The following KCNH4 variants were observed in gnomAD, a reference collection of about 807,000 sequenced individuals.
The protein encoded by KCNH4 is voltage-gated delayed rectifier potassium channel KCNH4.
KCNH4 carries 33 observed loss-of-function variants against 90.7 expected under a neutral mutation model. That is an observed-to-expected ratio of 0.36 (90% CI 0.28 to 0.49). The LOEUF is 0.49. KCNH4 is among the 20% of genes least tolerant of loss of function. The pLI, the probability that KCNH4 is intolerant of heterozygous loss-of-function variation, is 0.98. For synonymous variants in KCNH4, 551 were observed against 581.7 expected (o/e 0.95, Z 0.76); for missense variants, 1,044 against 1,387.1 (o/e 0.75, Z 3.93).
intron 15 of KCNH4, 83 bp downstream of exon 15, chr17:42,162,165 C>G (rs2079753467): frequency 9.7e-6 from 12 of 1,243,094 alleles, no homozygotes; most frequent in Non-Finnish European, 7.0e-6. Flanking sequence ...AGGCTGGTCC[C>G]AAACTCCTGA....
chr17:42,158,069 C>T (rs2079720788), intron 16 of KCNH4, among the ~76,000 whole-genome samples: 1 of 151,896 alleles, frequency 6.6e-6, no homozygotes, highest in Admixed American at 6.6e-5. Context: ...GCTGGGATTA[C>T]AGGCATGCAC....
rs1568030250 is a variant in KCNH4 at position 42,159,960 on chromosome 17, A to T, written c.*80T>A. On this transcript the variant is annotated 3_prime_UTR_variant, in exon 16 of 17. Coordinates refer to ENST00000264661, the MANE Select transcript of KCNH4 (RefSeq NM_012285.3). ...AGCTGGTGGCTGCTGACCCCAAGGC[A>T]GGAAGCCAAGGGGCCCAGGTCCTCC... 5 of 1,164,684 alleles carry T rather than the reference A, an allele frequency of 4.3e-6. No homozygotes were observed. The highest frequency in any genetic ancestry group is 1.6e-5 in the African/African-American group (1 of 64,222). The allele number at this position is 1,164,684 out of a possible 1,614,324, so 72.1% of individuals were successfully genotyped here.
rs2079764244 is a variant in KCNH4 at position 42,163,630 on chromosome 17, A to G, written c.2453T>C (p.Phe818Ser). 8.0e-6 allele frequency: 12 copies of G among 1,495,164 alleles called. No homozygotes were observed. The highest frequency in any genetic ancestry group is 1.4e-5 in the African/African-American group (1 of 71,174). The allele number at this position is 1,495,164 out of a possible 1,614,324, so 92.6% of individuals were successfully genotyped here. The change falls in exon 13 of 17, where the codon TTT becomes TCT. Residue 818 changes from phenylalanine to serine, a missense_variant. This residue lies in a region of KCNH4 where 441 missense variants were observed against 512.3 expected (regional missense o/e 0.86). Transcript: ENST00000264661. This position sits in a 1 kb window ranked among gnomAD's most constrained non-coding sequence, Gnocchi z 5.4. ...CCGGGGACTGAGGTCCGGAGGTCCA[A>G]AGGTTCCCAGTGGGGGAATGAGAAG... ...PQLLIPPLGT[F>S]GPPDLSPRIV...
rs1598270436 is a variant in KCNH4, at chr17:42,165,771, G to A, written c.1841-78C>T. 11 of 1,552,794 alleles carry A rather than the reference G, an allele frequency of 7.1e-6. No individual in the cohort carries two copies. The African/African-American group carries it at 9.5e-5, about 13-fold the overall frequency. ...TCAGCTGGAGGTGCTCAGTGGATTT[G>A]AGGGGTGGTCAGTGTGTTTGAAGGA... On this transcript the variant is annotated intron_variant, in intron 10 of 16. Transcript: ENST00000264661.
chr17:42,176,076 G>C lies in KCNH4; in HGVS notation c.807C>G (p.Ala269=), dbSNP rs749452433. The C allele has an allele frequency of 6.2e-7, 1 of 1,609,364 alleles. No individual in the cohort carries two copies. The highest frequency in any genetic ancestry group is 8.5e-7 in the Non-Finnish European group (1 of 1,176,322). ...GACCTAGGATGAAGAGCATTTCCACGGCGATGTCGCTGACAAGGGTGTGTC... is the reference window on the plus strand; with the variant it reads ...GACCTAGGATGAAGAGCATTTCCACCGCGATGTCGCTGACAAGGGTGTGTC... ...TSRHTLVSDI[A]VEMLFILDII... Residue 269 remains alanine, a synonymous_variant, in exon 5 of 17, where the codon GCC becomes GCG. Transcript: ENST00000264661.
In KCNH4 at chr17:42,163,420, T is replaced by G; in HGVS notation, c.2478-86A>C. The G allele has an allele frequency of 3.0e-6, 3 of 1,012,536 alleles. No individual in the cohort carries two copies. The highest frequency in any genetic ancestry group is 1.4e-5 in the South Asian group (1 of 72,908). 62.7% of individuals were successfully genotyped at this position (1,012,536 alleles called of 1,614,324 possible). ...GACAGAGGGGGACTGGGGGCAGCAGTGCCAGGGGGCGGAGCAAGAGCAGCA... is the reference window on the plus strand; with the variant it reads ...GACAGAGGGGGACTGGGGGCAGCAGGGCCAGGGGGCGGAGCAAGAGCAGCA... On this transcript the variant is annotated intron_variant, in intron 13 of 16. Coordinates refer to ENST00000264661, the MANE Select transcript of KCNH4 (RefSeq NM_012285.3). This position sits in a 1 kb window ranked among gnomAD's most constrained non-coding sequence, Gnocchi z 5.4.
intron 6 of KCNH4, among the ~76,000 whole-genome samples, chr17:42,173,980 G>GC (rs1432440594): frequency 6.6e-6 from 1 of 151,900 alleles, no homozygotes; most frequent in African/African-American, 2.4e-5. Flanking sequence ...GGGATTACAG[G>GC]GTGATCCACT....
intron 15 of KCNH4, 122 bp downstream of exon 15, chr17:42,162,126 A>G: frequency 1.3e-6 from 1 of 759,680 alleles, no homozygotes; most frequent in Non-Finnish European, 2.2e-6. Flanking sequence ...TGTATTTTTT[A>G]GCAGAGATAG....
Position 42,175,751 on chromosome 17 carries a change from G to A in KCNH4, c.830-15C>T. On this transcript the variant is annotated splice_polypyrimidine_tract_variant and intron_variant, in intron 5 of 16. Transcript: ENST00000264661. ...CAGGATGATATCTGGGGGTGCAAGA[G>A]GCTATTACTGGGGGGCCTTGGCAAA... The A allele has an allele frequency of 6.2e-7, 1 of 1,613,746 alleles. No homozygotes were observed. Among genetic ancestry groups the A allele is most frequent in the Non-Finnish European group, 8.5e-7 (1 of 1,179,698 alleles).
Position 42,178,618 on chromosome 17 carries a change from G to T in KCNH4, c.311-141C>A, listed in dbSNP as rs918842328. ...AGGAACCTCAGAGATTCTGTCAGCC[G>T]ATTCCTTCATCTTTCAAATGGGGGA... On this transcript the variant is annotated intron_variant, in intron 2 of 16. Coordinates refer to ENST00000264661, the MANE Select transcript of KCNH4 (RefSeq NM_012285.3). The T allele has an allele frequency of 4.1e-6, 5 of 1,231,534 alleles. No homozygotes were observed. In the African/African-American group the frequency reaches 7.6e-5, roughly 19 times the overall value. The allele number at this position is 1,231,534 out of a possible 1,614,324, so 76.3% of individuals were successfully genotyped here.
Position 42,163,164 on chromosome 17 carries a change from G to T in KCNH4, c.2584+64C>A. 8.8e-7 allele frequency: 1 copy of T among 1,134,914 alleles called. No individual in the cohort carries two copies. Among genetic ancestry groups the T allele is most frequent in the Non-Finnish European group, 1.3e-6 (1 of 744,996 alleles). 70.3% of individuals were successfully genotyped at this position (1,134,914 alleles called of 1,614,324 possible). A position where few individuals can be genotyped will look rare whatever the true frequency, so the allele number is the denominator to read the frequency against. ...CACATGGTAGGCCCCTACTACATAT[G>T]GGATGGATGGACAGGTGGATGGGCA... On this transcript the variant is annotated intron_variant, in intron 14 of 16. Transcript: ENST00000264661. This position sits in a 1 kb window ranked among gnomAD's most constrained non-coding sequence, Gnocchi z 5.4.
In KCNH4 at chr17:42,178,340, T is replaced by G; in HGVS notation, c.448A>C (p.Ser150Arg). ...CCGGACTTGCTGTTACCGTGATTAC[T>G]GTCCCCGCGGCCTCCTTGGGGGCCA... ...GLGPQGGRGD[S>R]NHENSLGRRG... is the part of the protein sequence containing the mutation. Residue 150 changes from serine (S) to arginine (R), a missense_variant, in exon 3 of 17, where the codon AGT becomes CGT. By Grantham distance (110) the Ser-to-Arg change is moderately radical (BLOSUM62 -1). Transcript: ENST00000264661. 6.2e-7 allele frequency: 1 copy of G among 1,614,244 alleles called. No individual in the cohort carries two copies. The highest frequency in any genetic ancestry group is 8.5e-7 in the Non-Finnish European group (1 of 1,180,028).
intron 11 of KCNH4, 68 bp downstream of exon 11, chr17:42,165,381 C>A (rs1189115420): frequency 6.3e-7 from 1 of 1,583,392 alleles, no homozygotes; most frequent in Non-Finnish European, 8.6e-7. Flanking sequence ...ATGGGACTCT[C>A]AGGCTGGGGA....
At chr17:42,165,790 T>C (rs2079783173) in intron 10 of KCNH4, 97 bp from the exon 11 acceptor site, 1 of 1,448,340 alleles carries the variant, frequency 6.9e-7, no homozygotes, top group African/African-American at 1.4e-5. Flanking sequence ...TCAGTGTGTT[T>C]GAAGGATGGT....
intron 8 of KCNH4, 102 bp downstream of exon 8, chr17:42,170,005 G>C: frequency 8.1e-7 from 1 of 1,232,056 alleles, no homozygotes; most frequent in Non-Finnish European, 1.1e-6. Context: ...CTGGACTTGG[G>C]TAGACACCTC....
chr17:42,166,674 T>C, intron 9 of KCNH4, 128 bp from the exon 10 acceptor site: 2 of 1,181,042 alleles, frequency 1.7e-6, no homozygotes, highest in Non-Finnish European at 2.4e-6. Flanking sequence ...ATTCCAGACC[T>C]TCAGTACAAC....
At chr17:42,166,223 C>T (rs1332392626) in intron 10 of KCNH4, 74 bp downstream of exon 10, 6 of 1,498,816 alleles carry the variant, frequency 4.0e-6, no homozygotes, top group Non-Finnish European at 5.4e-6. Context: ...AGAATCCTGG[C>T]CATTCCCAAG....
chr17:42,176,324 G>A, intron 4 of KCNH4, 27 bp from the exon 5 acceptor site: 1 of 1,530,332 alleles, frequency 6.5e-7, no homozygotes, highest in Non-Finnish European at 8.9e-7. Context: ...GGCGGTTGGG[G>A]ACACTTGAGG....
At chr17:42,170,453 GTGCATTGGTTACAGT>G (rs1478905676) in intron 7 of KCNH4, 152 bp from the exon 8 acceptor site, 3 of 631,768 alleles carry the variant, frequency 4.7e-6, no homozygotes, top group Middle Eastern at 4.3e-4. Flanking sequence ...TCTCCCCATG[GTGCATTGGTTACAGT>G]TGCATTCCAA....
Sources: allele counts gnomAD v4.1 joint callset (sites outside exome capture counted in the v4.1 genomes callset), GRCh38; gene constraint gnomAD v4.1.1; regional missense constraint gnomAD v4.1.1; non-coding constraint Gnocchi (gnomAD v3.1); transcripts MANE v1.5; gene names NCBI Gene and HGNC (gene_info 2026-07-23, HGNC 2026-07-21).